The following MAST4 variants were observed in gnomAD, a reference collection of about 807,000 sequenced individuals.
MAST4 encodes microtubule-associated serine/threonine-protein kinase 4.
In MAST4, 89 loss-of-function variants were observed where a neutral mutation model predicts 162.7. The observed-to-expected ratio is 0.55, with a 90% CI of 0.46 to 0.65. The LOEUF (loss-of-function observed/expected upper bound fraction) is 0.65, where lower values mean the gene tolerates loss of function less well. Among genes scored for constraint, MAST4 ranks in the 30% least tolerant of loss-of-function variants. The probability of loss-of-function intolerance (pLI) is 0.00; values close to 1 mark genes in which losing one functional copy is unlikely to be tolerated. For synonymous variants in MAST4, 1,479 were observed against 1,361.1 expected (o/e 1.09, Z -1.91); for missense variants, 3,153 against 3,374.0 (o/e 0.93, Z 1.62).
At chr5:66,812,598 A>G (rs1345684225) in intron 3 of MAST4, among the ~76,000 whole-genome samples, 2 of 152,204 alleles carry the variant, frequency 1.3e-5, no homozygotes, top group African/African-American at 2.4e-5. Flanking sequence ...AAAAATAGAA[A>G]TGCTTGCATC....
chr5:66,808,676 GC>G (rs1159472482), intron 3 of MAST4, among the ~76,000 whole-genome samples: 1 of 152,124 alleles, frequency 6.6e-6, no homozygotes, highest in Non-Finnish European at 1.5e-5. Context: ...AACATCACTT[GC>G]GTTCACAGCA....
chr5:67,022,589 A>G (rs953988900), intron 4 of MAST4, among the ~76,000 whole-genome samples: 1 of 152,174 alleles, frequency 6.6e-6, no homozygotes, highest in Non-Finnish European at 1.5e-5. Flanking sequence ...TATAGGGGCA[A>G]AGAACTTCTG....
In MAST4 at chr5:67,136,605, A is replaced by G; in HGVS notation, c.2435A>G (p.Asp812Gly). Reference protein sequence around the residue: ...WPEKDEAPPPDAQDLITLLLR... With the variant: ...WPEKDEAPPPGAQDLITLLLR... Reference sequence around the variant, plus strand: ...GAGAAGGATGAGGCACCCCCACCTGATGCCCAGGATCTGATTACCTTACTC... The same window carrying G: ...GAGAAGGATGAGGCACCCCCACCTGGTGCCCAGGATCTGATTACCTTACTC... Residue 812 changes from aspartate (D) to glycine (G), a missense_variant, in exon 19 of 29, where the codon GAT becomes GGT. By Grantham distance (94) the Asp-to-Gly change is moderately conservative. Coordinates refer to ENST00000403625, the MANE Select transcript of MAST4 (RefSeq NM_001164664.2). The G allele has an allele frequency of 6.2e-7, 1 of 1,607,494 alleles. No homozygotes were observed. Among genetic ancestry groups the G allele is most frequent in the Non-Finnish European group, 8.5e-7 (1 of 1,176,936 alleles).
At chr5:67,133,223 C>T (rs1339259620) in intron 16 of MAST4, among the ~76,000 whole-genome samples, 1 of 151,126 alleles carries the variant, frequency 6.6e-6, no homozygotes, top group Non-Finnish European at 1.5e-5. Context: ...GAGTTTCATA[C>T]TTGAATTTTT....
chr5:66,828,664 C>G (rs1218426277), intron 3 of MAST4: 4 of 784,868 alleles, frequency 5.1e-6, no homozygotes, highest in Middle Eastern at 3.8e-4. Flanking sequence ...TGCAAGCATC[C>G]GTGATCTCCG....
chr5:67,085,049 G>A (rs1272351857), intron 5 of MAST4, among the ~76,000 whole-genome samples: 1 of 152,102 alleles, frequency 6.6e-6, no homozygotes, highest in Non-Finnish European at 1.5e-5. Context: ...TTTATGTGGA[G>A]CTTCCATAAG....
intron 4 of MAST4, among the ~76,000 whole-genome samples, chr5:66,900,339 A>G (rs455496): frequency 0.54 from 81,510 of 151,750 alleles, 22,295 homozygotes; most frequent in Middle Eastern, 0.61. Flanking sequence ...TCTTTATACT[A>G]TGGATTTTAC....
At chr5:66,623,247 G>A (rs1415323841) in intron 1 of MAST4, 1 of 152,160 alleles carries the variant, frequency 6.6e-6, no homozygotes, top group Non-Finnish European at 1.5e-5. Flanking sequence ...CCTCTTAAAT[G>A]CTTTTCAAAA....
At chr5:66,613,057 G>A (rs1414904126) in intron 1 of MAST4, among the ~76,000 whole-genome samples, 1 of 152,030 alleles carries the variant, frequency 6.6e-6, no homozygotes, top group Admixed American at 6.5e-5. Context: ...TATCTTGCTA[G>A]GTAATTAAAC....
At chr5:67,132,518 T>C (rs896757277) in intron 16 of MAST4, among the ~76,000 whole-genome samples, 1 of 152,148 alleles carries the variant, frequency 6.6e-6, no homozygotes, top group Admixed American at 6.6e-5. Context: ...TACCTTTTCC[T>C]ACTCCAAGAT....
intron 1 of MAST4, among the ~76,000 whole-genome samples, chr5:66,697,339 G>A (rs1286915898): frequency 6.6e-6 from 1 of 152,110 alleles, no homozygotes; most frequent in Non-Finnish European, 1.5e-5. Context: ...ATTATGCATG[G>A]ATAAAAGATC....
chr5:66,742,506 G>C (rs182430887), intron 1 of MAST4, among the ~76,000 whole-genome samples: 2 of 152,266 alleles, frequency 1.3e-5, no homozygotes, highest in East Asian at 3.9e-4. Context: ...CAAAGCTCCT[G>C]AGCGCTCCTC....
At chr5:66,810,589 A>G (rs538996087) in intron 3 of MAST4, among the ~76,000 whole-genome samples, 8 of 152,316 alleles carry the variant, frequency 5.3e-5, no homozygotes, top group Admixed American at 2.6e-4. Flanking sequence ...ACAAGTAAGT[A>G]GCCAGTTAAT....
At chr5:66,622,450 A>ATTTTGTTTTTT (rs1744139976) in intron 1 of MAST4, among the ~76,000 whole-genome samples, 1 of 145,728 alleles carries the variant, frequency 6.9e-6, no homozygotes, top group African/African-American at 2.6e-5. Flanking sequence ...CTTGGAAATC[A>ATTTTGTTTTTT]GTTGCATAGT....
chr5:66,953,657 G>A (rs1032399921), intron 4 of MAST4, among the ~76,000 whole-genome samples: 1 of 151,932 alleles, frequency 6.6e-6, no homozygotes, highest in Non-Finnish European at 1.5e-5. Flanking sequence ...AAAACAGTTC[G>A]AGTGCTCCTC....
At position 66,621,997 on chromosome 5, in the gene MAST4, C is replaced by T. The variant is rs143864866; in HGVS notation, c.363+24979C>T. Among the ~76,000 whole-genome samples, 197 of 152,254 alleles carry T rather than the reference C, an allele frequency of 1.3e-3. 2 individuals are homozygous for T. Among genetic ancestry groups the T allele is most frequent in the African/African-American group, 4.7e-3 (194 of 41,538 alleles). ...AAAGGATATAGCTGTGTTCCAACAACACTGCTATTTACAGAATCATGCAGC... is the reference window on the plus strand; with the variant it reads ...AAAGGATATAGCTGTGTTCCAACAATACTGCTATTTACAGAATCATGCAGC... On this transcript the variant is annotated intron_variant, in intron 1 of 28. Transcript: ENST00000403625.
intron 3 of MAST4, among the ~76,000 whole-genome samples, chr5:66,795,216 T>C (rs2149686236): frequency 6.6e-6 from 1 of 152,376 alleles, no homozygotes; most frequent in East Asian, 1.9e-4. Context: ...AATTCATCTA[T>C]GAATTAACAT....
At position 66,920,734 on chromosome 5, in the gene MAST4, G is replaced by A. The variant is rs570236778; in HGVS notation, c.674+20752G>A. On this transcript the variant is annotated intron_variant, in intron 4 of 28. Coordinates refer to ENST00000403625, the MANE Select transcript of MAST4 (RefSeq NM_001164664.2). ...TCGAACTCCCTACCTCAGGAGATCC[G>A]CCCACCTCAGCCTCCCAAAGTACTG... is the stretch of plus-strand genomic sequence containing the variant. 2.9e-4 allele frequency among the ~76,000 whole-genome samples: 44 copies of A among 152,074 alleles called. No homozygotes were observed. The South Asian group carries it at 8.9e-3, about 31-fold the overall frequency.
At chr5:66,620,938 CT>C (rs1161277706) in intron 1 of MAST4, among the ~76,000 whole-genome samples, 4 of 152,132 alleles carry the variant, frequency 2.6e-5, no homozygotes, top group East Asian at 1.9e-4. Flanking sequence ...ACTGTCCCCC[CT>C]AATTCAGAGA....
Sources: allele counts gnomAD v4.1 joint callset (sites outside exome capture counted in the v4.1 genomes callset), GRCh38; gene constraint gnomAD v4.1.1; transcripts MANE v1.5; gene names NCBI Gene and HGNC (gene_info 2026-07-23, HGNC 2026-07-21).